The following PBRM1 variants were observed in gnomAD, a reference collection of about 807,000 sequenced individuals.
PBRM1 encodes protein polybromo-1.
Under a neutral mutation model 194.5 loss-of-function variants are expected in PBRM1, and 27 were observed. The ratio of observed to expected loss-of-function variants is 0.14; its 90% CI spans 0.10 to 0.19. The LOEUF is 0.19. Ranked by LOEUF, PBRM1 falls within the 10% of genes least tolerant of loss-of-function variation. The pLI is 1.00. For missense variants in PBRM1, 1,466 were observed against 2,077.2 expected, an observed-to-expected ratio of 0.71 and a Z score of 5.72; for synonymous variants, 655 against 693.2, an observed-to-expected ratio of 0.94 and a Z score of 0.87.
chr3:52,669,252 T>C (rs557343006), intron 2 of PBRM1, among the ~76,000 whole-genome samples: 101 of 151,766 alleles, frequency 6.7e-4, no homozygotes, highest in African/African-American at 1.6e-3. Context: ...AAAAAAACCA[T>C]GGGACTAAGA....
chr3:52,665,402 A>T (rs2096812524), intron 3 of PBRM1, among the ~76,000 whole-genome samples: 1 of 151,856 alleles, frequency 6.6e-6, no homozygotes, highest in African/African-American at 2.4e-5. Context: ...GGCTTCAAGC[A>T]ATCCTCCTGC....
At chr3:52,612,133 ACCTGTAGTC>A (rs975978525) in intron 15 of PBRM1, among the ~76,000 whole-genome samples, 3 of 151,482 alleles carry the variant, frequency 2.0e-5, no homozygotes, top group Non-Finnish European at 4.4e-5. Context: ...GGTGGTGCAC[ACCTGTAGTC>A]CCAGCTACTT....
intron 10 of PBRM1, among the ~76,000 whole-genome samples, chr3:52,639,529 A>ACTCCGC (rs2095985770): frequency 6.6e-6 from 1 of 150,874 alleles, no homozygotes; most frequent in Non-Finnish European, 1.5e-5. Context: ...GATCCTCCCA[A>ACTCCGC]CTCCGCCTCT....
At chr3:52,555,021 T>C in intron 26 of PBRM1, 142 bp from the exon 29 acceptor site, 1 of 639,998 alleles carries the variant, frequency 1.6e-6, no homozygotes, top group Admixed American at 3.9e-5. Flanking sequence ...TGCAATTATT[T>C]TGCTGCAATA....
chr3:52,572,892 A>C (rs1390880879), intron 22 of PBRM1, among the ~76,000 whole-genome samples: 1 of 152,234 alleles, frequency 6.6e-6, no homozygotes, highest in East Asian at 1.9e-4. Context: ...ATGAAATTAT[A>C]AATTCTCTAA....
chr3:52,621,654 TCTC>T (rs2095279695), intron 13 of PBRM1, among the ~76,000 whole-genome samples: 1 of 152,302 alleles, frequency 6.6e-6, no homozygotes, highest in Admixed American at 6.5e-5. Flanking sequence ...GCATAATCAT[TCTC>T]CTTTTTAAAA....
chr3:52,575,297 T>C (rs1370977419), intron 22 of PBRM1, among the ~76,000 whole-genome samples: 1 of 151,944 alleles, frequency 6.6e-6, no homozygotes, highest in Non-Finnish European at 1.5e-5. Flanking sequence ...ATAATAAGTA[T>C]TAAGAACAAA....
intron 11 of PBRM1, among the ~76,000 whole-genome samples, chr3:52,631,243 G>A (rs907330082): frequency 3.9e-5 from 6 of 151,942 alleles, no homozygotes; most frequent in Non-Finnish European, 8.8e-5. Flanking sequence ...GGTCAAGGCG[G>A]GCAGATTGCT....
rs1212828027 is a variant in PBRM1 at position 52,604,154 on chromosome 3, A to C, written c.2568-422T>G. Reference sequence around the variant, plus strand: ...TTAATAGCAGACCGATGTGTTACATAATAGGCTCTATTTTCTTCCTTTTGG... The same window carrying C: ...TTAATAGCAGACCGATGTGTTACATCATAGGCTCTATTTTCTTCCTTTTGG... On this transcript the variant is annotated intron_variant, in intron 16 of 29. Transcript: ENST00000296302. 2.0e-5 allele frequency among the ~76,000 whole-genome samples: 3 copies of C among 152,234 alleles called. No individual in the cohort carries two copies. In the East Asian group the frequency reaches 5.8e-4, roughly 29 times the overall value.
intron 20 of PBRM1, among the ~76,000 whole-genome samples, chr3:52,581,234 G>A (rs1394054264): frequency 6.6e-6 from 1 of 152,218 alleles, no homozygotes; most frequent in Non-Finnish European, 1.5e-5. Flanking sequence ...GGAAGGCCGG[G>A]AGTGGTGGCT....
intron 15 of PBRM1, among the ~76,000 whole-genome samples, chr3:52,613,770 G>A (rs975119124): frequency 6.6e-5 from 10 of 151,898 alleles, no homozygotes; most frequent in African/African-American, 2.2e-4. Flanking sequence ...CAGGAGGGTC[G>A]CTTGAGCCCA....
At chr3:52,681,187 A>G (rs1461309695), upstream of PBRM1, 2 of 151,734 alleles carry the variant, frequency 1.3e-5, no homozygotes, top group Non-Finnish European at 2.9e-5. Context: ...AGAACAGGAG[A>G]ACACTGGTTG....
At chr3:52,587,171 G>A (rs886855185) in intron 19 of PBRM1, among the ~76,000 whole-genome samples, 182 bp downstream of exon 21, 3 of 152,086 alleles carry the variant, frequency 2.0e-5, no homozygotes, top group African/African-American at 4.8e-5. Flanking sequence ...AGCAGCAAGT[G>A]GTCTTTCACA....
intron 18 of PBRM1, among the ~76,000 whole-genome samples, chr3:52,587,783 T>TG (rs1342304100): frequency 5.7e-5 from 7 of 123,678 alleles, no homozygotes; most frequent in Admixed American, 5.5e-4. Context: ...AACCTAGCAC[T>TG]GTGCTTATTT....
At chr3:52,684,587 T>C (rs1241264663), upstream of PBRM1, among the ~76,000 whole-genome samples, 1 of 152,216 alleles carries the variant, frequency 6.6e-6, no homozygotes, top group South Asian at 2.1e-4. Context: ...TAGTTACCTA[T>C]TATTTTTTAC....
intron 2 of PBRM1, among the ~76,000 whole-genome samples, chr3:52,677,705 G>C (rs1467136750): frequency 6.6e-6 from 1 of 152,002 alleles, no homozygotes; most frequent in Non-Finnish European, 1.5e-5. Context: ...GAGCCATTGC[G>C]CCCAGCCTTG....
intron 19 of PBRM1, 146 bp from the exon 22 acceptor site, chr3:52,586,834 A>T: frequency 1.6e-6 from 1 of 623,780 alleles, no homozygotes; most frequent in Non-Finnish European, 2.8e-6. Flanking sequence ...AACAAAAAAT[A>T]ATAAATGACC....
At chr3:52,583,054 G>A (rs540739801) in intron 20 of PBRM1, among the ~76,000 whole-genome samples, 115 of 127,790 alleles carry the variant, frequency 9.0e-4, no homozygotes, top group African/African-American at 3.2e-3. Flanking sequence ...CTGAGATCAC[G>A]CCAATGCACT....
At position 52,634,871 on chromosome 3, in the gene PBRM1, T is replaced by C. The variant is rs770512482; in HGVS notation, c.1088-56A>G. On this transcript the variant is annotated intron_variant, in intron 10 of 29. Transcript: ENST00000296302. Reference sequence around the variant, plus strand: ...GACGAATGAGATGAAGAAAGAACCATACTTTAAAGTTCATTTAACAACCTT... The same window carrying C: ...GACGAATGAGATGAAGAAAGAACCACACTTTAAAGTTCATTTAACAACCTT... 21 of 1,190,538 alleles carry C rather than the reference T, an allele frequency of 1.8e-5. No individual in the cohort carries two copies. The East Asian group carries it at 4.2e-4, about 24-fold the overall frequency. 73.7% of individuals were successfully genotyped at this position (1,190,538 alleles called of 1,614,324 possible). A position where few individuals can be genotyped will look rare whatever the true frequency, so the allele number is the denominator to read the frequency against.
Sources: allele counts gnomAD v4.1 joint callset (sites outside exome capture counted in the v4.1 genomes callset), GRCh38; gene constraint gnomAD v4.1.1; transcripts MANE v1.5; gene names NCBI Gene and HGNC (gene_info 2026-07-23, HGNC 2026-07-21).